Variants in AP2A2 observed in about 807,000 individuals in gnomAD.
AP2A2 encodes the protein adaptor related protein complex 2 subunit alpha 2.
AP2A2 carries 32 observed loss-of-function variants against 104.2 expected under a neutral mutation model. That is an observed-to-expected ratio of 0.31 (90% CI 0.23 to 0.41). The LOEUF (loss-of-function observed/expected upper bound fraction) is 0.41, where lower values mean the gene tolerates loss of function less well. AP2A2 is among the 10% of genes least tolerant of loss of function. The pLI, the probability that AP2A2 is intolerant of heterozygous loss-of-function variation, is 1.00. For missense variants in AP2A2, 912 were observed against 1,261.0 expected, an observed-to-expected ratio of 0.72 and a Z score of 4.19; for synonymous variants, 539 against 533.3, an observed-to-expected ratio of 1.01 and a Z score of -0.15.
chr11:939,951 C>CTTTTTTTTTTTTTTTT (rs145184268), intron 1 of AP2A2, among the ~76,000 whole-genome samples: 2 of 106,060 alleles, frequency 1.9e-5, no homozygotes, highest in Non-Finnish European at 3.7e-5. Context: ...GTTTTGCTTA[C>CTTTTTTTTTTTTTTTT]TTTTTTTTTT....
intron 5 of AP2A2, among the ~76,000 whole-genome samples, chr11:979,256 C>A (rs1564806018): frequency 6.7e-6 from 1 of 150,044 alleles, no homozygotes; most frequent in Non-Finnish European, 1.5e-5. Flanking sequence ...CCTGGGGGAA[C>A]ACACCGTGAA....
Position 968,874 on chromosome 11 carries a change from G to C in AP2A2, c.137-1295G>C, listed in dbSNP as rs115508442. Among the ~76,000 whole-genome samples, 2 of 152,160 alleles carry C rather than the reference G, an allele frequency of 1.3e-5. No homozygotes were observed. Among genetic ancestry groups the C allele is most frequent in the African/African-American group, 4.8e-5 (2 of 41,422 alleles). On this transcript the variant is annotated intron_variant, in intron 2 of 21. Coordinates refer to ENST00000448903, the MANE Select transcript of AP2A2 (RefSeq NM_012305.4). This position sits in a 1 kb window ranked among gnomAD's most constrained non-coding sequence, Gnocchi z 4.2. Reference sequence around the variant, plus strand: ...ATGTTAATTTGCCGCTGACAAGGAGGGGGGTTTCTCATGAGCTCCTCAGAG... The same window carrying C: ...ATGTTAATTTGCCGCTGACAAGGAGCGGGGTTTCTCATGAGCTCCTCAGAG...
rs558597287 is a variant in AP2A2, at chr11:954,956, A to G, written c.68-4481A>G. On this transcript the variant is annotated intron_variant, in intron 1 of 21. Transcript: ENST00000448903. ...AGATTCCGTTTAGGAAAGTTGATTTAGCTCATGTAGTAGTATTTCCTCTTT... is the reference window on the plus strand; with the variant it reads ...AGATTCCGTTTAGGAAAGTTGATTTGGCTCATGTAGTAGTATTTCCTCTTT... 4.6e-5 allele frequency among the ~76,000 whole-genome samples: 7 copies of G among 152,344 alleles called. No individual in the cohort carries two copies. In the East Asian group the frequency reaches 1.3e-3, roughly 29 times the overall value.
At chr11:986,710 G>A (rs1855470317) in intron 8 of AP2A2, 75 bp from the exon 9 acceptor site, 5 of 1,528,250 alleles carry the variant, frequency 3.3e-6, no homozygotes, top group Admixed American at 1.8e-5. Context: ...TGGACCCGTC[G>A]GGGAACGCAG....
chr11:997,334 A>G (rs1010755519), intron 14 of AP2A2, among the ~76,000 whole-genome samples: 2 of 152,206 alleles, frequency 1.3e-5, no homozygotes, highest in African/African-American at 4.8e-5. Context: ...CTTCACATGC[A>G]GGAGCCTGGG....
At chr11:976,277 A>C (rs1180056359) in intron 4 of AP2A2, among the ~76,000 whole-genome samples, 1 of 152,204 alleles carries the variant, frequency 6.6e-6, no homozygotes, top group Admixed American at 6.5e-5. Flanking sequence ...TTTTTTATTC[A>C]AAGTAATTTT....
At chr11:971,337 G>T (rs1326337168) in intron 3 of AP2A2, among the ~76,000 whole-genome samples, 2 of 152,238 alleles carry the variant, frequency 1.3e-5, no homozygotes, top group African/African-American at 4.8e-5. Flanking sequence ...GAGCAGAGCA[G>T]GTGGTGCCTG....
chr11:969,134 C>A (rs377147003), intron 2 of AP2A2, among the ~76,000 whole-genome samples: 1 of 151,910 alleles, frequency 6.6e-6, no homozygotes, highest in East Asian at 1.9e-4. Context: ...TTCTCGCTCG[C>A]CTCCACAGCC....
intron 1 of AP2A2, chr11:933,636 A>G (rs1300938267): frequency 6.6e-6 from 3 of 456,192 alleles, no homozygotes; most frequent in South Asian, 4.6e-5. Context: ...AGCGCCCTGG[A>G]GACTTGAATT....
intron 7 of AP2A2, among the ~76,000 whole-genome samples, chr11:984,966 C>T (rs902010441): frequency 1.3e-5 from 2 of 152,168 alleles, no homozygotes; most frequent in East Asian, 1.9e-4. Context: ...TCTATTTGTG[C>T]TTTTATAGTA....
chr11:988,429 T>C, intron 9 of AP2A2, 123 bp from the exon 10 acceptor site: 2 of 1,277,740 alleles, frequency 1.6e-6, no homozygotes, highest in Non-Finnish European at 2.2e-6. Flanking sequence ...TCCCTGGACC[T>C]GGATGTGCAT....
rs148713386 is a variant in AP2A2 at position 1,010,736 on chromosome 11, C to T, written c.*111C>T. 4.5e-4 allele frequency: 401 copies of T among 890,582 alleles called. 6 individuals are homozygous for T. The highest frequency in any genetic ancestry group is 2.4e-3 in the South Asian group (173 of 71,040). The allele number at this position is 890,582 out of a possible 1,614,324, so 55.2% of individuals were successfully genotyped here. ...CCGTGTCCAGTGCCACAGCACAAGG[C>T]GCCTCCCCGCCCCGCCGCCCCACAC... On this transcript the variant is annotated 3_prime_UTR_variant, in exon 22 of 22. Coordinates refer to ENST00000448903, the MANE Select transcript of AP2A2 (RefSeq NM_012305.4).
chr11:989,621 T>C (rs1177803052), intron 10 of AP2A2, among the ~76,000 whole-genome samples: 2 of 152,244 alleles, frequency 1.3e-5, no homozygotes, highest in African/African-American at 2.4e-5. Context: ...AAAGTAGGTG[T>C]GCACACTTGC....
intron 15 of AP2A2, among the ~76,000 whole-genome samples, chr11:1,001,686 G>C (rs1856035095): frequency 6.6e-6 from 1 of 152,046 alleles, no homozygotes; most frequent in Non-Finnish European, 1.5e-5. Context: ...AGGTTGCAGG[G>C]CTCTGGTGGT....
chr11:944,215 G>A (rs754606529), intron 1 of AP2A2, among the ~76,000 whole-genome samples: 11 of 152,226 alleles, frequency 7.2e-5, no homozygotes, highest in Non-Finnish European at 1.6e-4. Context: ...TGGTGATCCC[G>A]TCGCTCAGGA....
rs1437048791 is a variant in AP2A2, at chr11:1,009,393, C to A, written c.2603C>A (p.Ala868Asp). The change falls in exon 20 of 22, where the codon GCC becomes GAC. Residue 868 changes from alanine (A) to aspartate (D), a missense_variant. Coordinates refer to ENST00000448903, the MANE Select transcript of AP2A2 (RefSeq NM_012305.4). ...KHPMDTEVTKAKIIGFGSALL... is the reference protein window; with the variant it reads ...KHPMDTEVTKDKIIGFGSALL... ...CCAATGGACACAGAAGTCACCAAAG[C>A]CAAGGTAACACGTCTGGAGGGACGG... The A allele has an allele frequency of 5.0e-6, 8 of 1,612,792 alleles. No individual in the cohort carries two copies. The Admixed American group carries it at 1.3e-4, about 27-fold the overall frequency.
chr11:1,007,166 G>A (rs1004772271), intron 17 of AP2A2: 6 of 154,972 alleles, frequency 3.9e-5, no homozygotes, highest in African/African-American at 7.2e-5. Flanking sequence ...TAGAGTTAGC[G>A]TGAAGACCCC....
chr11:939,397 A>T (rs911440998), intron 1 of AP2A2, among the ~76,000 whole-genome samples: 3 of 151,998 alleles, frequency 2.0e-5, no homozygotes, highest in African/African-American at 7.2e-5. Flanking sequence ...TTAAGTCTAA[A>T]TTGTGTGTTC....
At chr11:1,009,443 C>T in intron 20 of AP2A2, 46 bp downstream of exon 20, 2 of 1,552,962 alleles carry the variant, frequency 1.3e-6, no homozygotes, top group Non-Finnish European at 1.8e-6. Context: ...CAGCCCGTGA[C>T]CCCGCGCCAG....
Sources: gnomAD v4.1 joint callset for allele counts (sites outside exome capture counted in the v4.1 genomes callset) on GRCh38, gnomAD v4.1.1 for gene constraint, Gnocchi (gnomAD v3.1) non-coding constraint, MANE v1.5 for transcripts, NCBI Gene and HGNC (gene_info 2026-07-23, HGNC 2026-07-21) for gene names.